TGFBR3: variants seen among roughly 807,000 people sequenced by gnomAD.
The protein encoded by TGFBR3 is transforming growth factor beta receptor type 3.
Under a neutral mutation model 87.9 loss-of-function variants are expected in TGFBR3, and 46 were observed. The ratio of observed to expected loss-of-function variants is 0.52; its 90% confidence interval spans 0.41 to 0.67. TGFBR3 has a LOEUF of 0.67. Ranked by LOEUF, TGFBR3 falls within the 30% of genes least tolerant of loss-of-function variation. The pLI is 0.00. For missense variants in TGFBR3, 866 were observed against 1,041.9 expected, an observed-to-expected ratio of 0.83 and a Z score of 2.32; for synonymous variants, 381 against 391.6, an observed-to-expected ratio of 0.97 and a Z score of 0.32.
intron 2 of TGFBR3, among the ~76,000 whole-genome samples, chr1:91,835,807 G>C (rs1677038590): frequency 8.2e-6 from 1 of 121,762 alleles, no homozygotes; most frequent in African/African-American, 3.1e-5. Context: ...CAGTCTGGGT[G>C]ACAGAGCGAG....
chr1:91,698,157 T>G, intron 14 of TGFBR3, 27 bp from the exon 15 acceptor site: 1 of 1,607,572 alleles, frequency 6.2e-7, no homozygotes, highest in Non-Finnish European at 8.5e-7. Flanking sequence ...AATCACAATG[T>G]ATTCTATGGA....
In TGFBR3 at chr1:91,776,639, T is replaced by G. The variant is rs549506551; in HGVS notation, c.247-17889A>C. ...AAAGAAGCCTACCAGCGTTTGACTT[T>G]GGCTCTGATCAGTGTAGTGCCATTA... On this transcript the variant is annotated intron_variant, in intron 3 of 16. Transcript: ENST00000212355. Among the ~76,000 whole-genome samples, 3 of 152,330 alleles carry G rather than the reference T, an allele frequency of 2.0e-5. No individual in the cohort carries two copies. The East Asian group carries it at 5.8e-4, about 29-fold the overall frequency.
rs141488243 is a variant in TGFBR3 at position 91,899,992 on chromosome 1, T to C, written c.-174-295A>G. On this transcript the variant is annotated intron_variant, in intron 1 of 17. Coordinates refer to the TGFBR3 transcript ENST00000370399. ...AAAACAAAACAAAAAGAAACTTCTT[T>C]GACTTTTCTTGCACAGTTGACTTGA... Among the ~76,000 whole-genome samples, 44 of 152,256 alleles carry C rather than the reference T, an allele frequency of 2.9e-4. No homozygotes were observed. In the East Asian group the frequency reaches 8.1e-3, roughly 28 times the overall value.
intron 2 of TGFBR3, among the ~76,000 whole-genome samples, chr1:91,823,776 T>C (rs1676536987): frequency 1.3e-5 from 2 of 152,232 alleles, no homozygotes; most frequent in South Asian, 4.1e-4. Context: ...TGTATCTTGA[T>C]TGCAGTGGTG....
At chr1:91,821,602 G>T (rs907233267) in intron 2 of TGFBR3, among the ~76,000 whole-genome samples, 4 of 152,116 alleles carry the variant, frequency 2.6e-5, no homozygotes, top group African/African-American at 9.7e-5. Flanking sequence ...GAGAATCCTG[G>T]TTTCCTCCAC....
chr1:91,869,667 C>T (rs556543908), intron 1 of TGFBR3, among the ~76,000 whole-genome samples: 7 of 151,952 alleles, frequency 4.6e-5, no homozygotes, highest in Admixed American at 2.0e-4. Context: ...CCGTCTCAAA[C>T]AAAAGAAAAA....
At chr1:91,744,893 T>C (rs1673285784) in intron 4 of TGFBR3, among the ~76,000 whole-genome samples, 2 of 152,204 alleles carry the variant, frequency 1.3e-5, no homozygotes, top group African/African-American at 4.8e-5. Context: ...AGTCATCTCC[T>C]TGCACATCTC....
intron 2 of TGFBR3, among the ~76,000 whole-genome samples, chr1:91,898,145 C>G (rs1557767622): frequency 6.6e-6 from 1 of 152,034 alleles, no homozygotes; most frequent in African/African-American, 2.4e-5. Context: ...CCTTGCACTC[C>G]CCTCAACCCC....
chr1:91,746,964 C>T lies in TGFBR3; in HGVS notation c.384+11649G>A, dbSNP rs1433588977. On this transcript the variant is annotated intron_variant, in intron 4 of 16. Transcript: ENST00000212355. ...GGTAGACACGCACATCCCTCAGCCT[C>T]ATGTTAATAAAACACTAGGAAATAT... Among the ~76,000 whole-genome samples, 6 of 152,126 alleles carry T rather than the reference C, an allele frequency of 3.9e-5. No individual in the cohort carries two copies. In the South Asian group the frequency reaches 1.0e-3, roughly 26 times the overall value.
intron 2 of TGFBR3, among the ~76,000 whole-genome samples, chr1:91,855,009 C>G (rs1469290799): frequency 6.6e-6 from 1 of 152,182 alleles, no homozygotes; most frequent in Non-Finnish European, 1.5e-5. Flanking sequence ...CTACTCAAGG[C>G]TGCCAGCTTG....
intron 1 of TGFBR3, among the ~76,000 whole-genome samples, chr1:91,864,904 T>C (rs1169503158): frequency 1.3e-5 from 2 of 152,156 alleles, no homozygotes; most frequent in Non-Finnish European, 2.9e-5. Flanking sequence ...AATGCTTTCT[T>C]TAGAAATATG....
upstream of TGFBR3, chr1:91,886,360 AG>A (rs1013082179): frequency 2.8e-6 from 1 of 356,166 alleles, no homozygotes. Context: ...CTGATGGATG[AG>A]CCCCGAATGC....
At chr1:91,756,097 C>G (rs908054800) in intron 4 of TGFBR3, among the ~76,000 whole-genome samples, 1 of 152,044 alleles carries the variant, frequency 6.6e-6, no homozygotes, top group African/African-American at 2.4e-5. Flanking sequence ...GGATCTAAAC[C>G]AGGACATGCA....
chr1:91,808,751 A>G (rs4658273), intron 2 of TGFBR3, among the ~76,000 whole-genome samples: 36,304 of 152,158 alleles, frequency 0.24, 5,586 homozygotes, highest in Middle Eastern at 0.35. Flanking sequence ...GAAGTGAGTC[A>G]CCACACCGAG....
At chr1:91,706,504 C>T (rs897214742) in intron 14 of TGFBR3, among the ~76,000 whole-genome samples, 1 of 152,164 alleles carries the variant, frequency 6.6e-6, no homozygotes, top group African/African-American at 2.4e-5. Flanking sequence ...TAGAGGTTAC[C>T]CTATATGGTC....
intron 4 of TGFBR3, among the ~76,000 whole-genome samples, chr1:91,742,397 T>C (rs1257802421): frequency 6.6e-6 from 1 of 152,214 alleles, no homozygotes; most frequent in Admixed American, 6.5e-5. Flanking sequence ...AAGCTCAATG[T>C]TGTTACCTAC....
rs17884291 is a variant in TGFBR3 at position 91,784,266 on chromosome 1, C to G, written c.246+13021G>C. Among the ~76,000 whole-genome samples the G allele has an allele frequency of 4.4e-3, 668 of 152,190 alleles. 8 individuals are homozygous for G. Among genetic ancestry groups the G allele is most frequent in the African/African-American group, 0.015 (638 of 41,530 alleles). On this transcript the variant is annotated intron_variant, in intron 3 of 16. Transcript: ENST00000212355. ...CTCCAATGTTGAGGGGCCTAGGGAC[C>G]AAACACTAAGTCCACTAATAGAATG...
chr1:91,855,729 G>C (rs913948198), intron 2 of TGFBR3, among the ~76,000 whole-genome samples: 6 of 152,134 alleles, frequency 3.9e-5, no homozygotes. Context: ...GTATAGACGA[G>C]TTTTTAAAGC....
intron 3 of TGFBR3, among the ~76,000 whole-genome samples, chr1:91,764,472 T>C (rs1009129516): frequency 6.6e-6 from 1 of 152,058 alleles, no homozygotes; most frequent in Non-Finnish European, 1.5e-5. Flanking sequence ...GAGGAGTATT[T>C]ATGAAACTAC....
Sources: allele counts gnomAD v4.1 joint callset (sites outside exome capture counted in the v4.1 genomes callset), GRCh38; gene constraint gnomAD v4.1.1; transcripts MANE v1.5; gene names NCBI Gene and HGNC (gene_info 2026-07-23, HGNC 2026-07-21).